Variants in PRKCB observed in about 807,000 individuals in gnomAD.
PRKCB encodes protein kinase C beta type.
In PRKCB, 13 loss-of-function variants were observed where a neutral mutation model predicts 81.5. That is an observed-to-expected ratio of 0.16 (90% confidence interval 0.10 to 0.25). The LOEUF (loss-of-function observed/expected upper bound fraction) is 0.25, where lower values mean the gene tolerates loss of function less well. Ranked by LOEUF, PRKCB falls within the 10% of genes least tolerant of loss-of-function variation. PRKCB has a pLI of 1.00. For missense variants in PRKCB, 509 were observed against 875.7 expected, an observed-to-expected ratio of 0.58 and a Z score of 5.29; for synonymous variants, 335 against 321.4, an observed-to-expected ratio of 1.04 and a Z score of -0.45.
chr16:23,911,673 C>T (rs1279237528), intron 2 of PRKCB, among the ~76,000 whole-genome samples: 3 of 152,152 alleles, frequency 2.0e-5, no homozygotes, highest in Non-Finnish European at 4.4e-5. Flanking sequence ...ATGACCTCCT[C>T]CATCAACTGT....
chr16:24,031,874 C>T (rs1965554908), intron 3 of PRKCB: 2 of 308,812 alleles, frequency 6.5e-6, no homozygotes, highest in Middle Eastern at 1.9e-3. Flanking sequence ...CAGGCAGGCC[C>T]AGATGGAGGG....
chr16:24,104,105 A>G (rs959982256), intron 7 of PRKCB, among the ~76,000 whole-genome samples: 1 of 152,188 alleles, frequency 6.6e-6, no homozygotes, highest in Non-Finnish European at 1.5e-5. Flanking sequence ...ACGCCCAGCT[A>G]AGGTCCAGAT....
intron 7 of PRKCB, among the ~76,000 whole-genome samples, chr16:24,110,144 G>C (rs1966655985): frequency 8.4e-6 from 1 of 119,238 alleles, no homozygotes; most frequent in Non-Finnish European, 1.7e-5. Context: ...AGGGAGAGGA[G>C]GGAGAGGAGG....
chr16:24,081,226 A>C (rs1966245370), intron 5 of PRKCB, among the ~76,000 whole-genome samples: 3 of 152,142 alleles, frequency 2.0e-5, no homozygotes, highest in Admixed American at 1.3e-4. Flanking sequence ...ACTCCGTCCA[A>C]ATGAGTTTTA....
At chr16:23,949,730 A>G (rs1489606608) in intron 2 of PRKCB, among the ~76,000 whole-genome samples, 1 of 152,226 alleles carries the variant, frequency 6.6e-6, no homozygotes, top group African/African-American at 2.4e-5. Flanking sequence ...TCCAGTAGGC[A>G]TGAAGCCAGG....
At chr16:24,182,905 G>A (rs1967649882) in intron 13 of PRKCB, among the ~76,000 whole-genome samples, 1 of 151,792 alleles carries the variant, frequency 6.6e-6, no homozygotes, top group South Asian at 2.1e-4. Flanking sequence ...GTGTGTGTTT[G>A]AGACAGGGTC....
intron 5 of PRKCB, among the ~76,000 whole-genome samples, chr16:24,050,026 C>T (rs1402580448): frequency 1.3e-5 from 2 of 152,060 alleles, no homozygotes; most frequent in Non-Finnish European, 2.9e-5. Flanking sequence ...GTAGGGGATC[C>T]AAGAAGCCAA....
chr16:23,986,542 A>G (rs909630591), intron 2 of PRKCB, among the ~76,000 whole-genome samples: 7 of 152,174 alleles, frequency 4.6e-5, no homozygotes, highest in Admixed American at 1.3e-4. Flanking sequence ...GTGAGCCACC[A>G]CACCCGGTTT....
chr16:23,969,884 G>T (rs569094611), intron 2 of PRKCB, among the ~76,000 whole-genome samples: 2 of 152,106 alleles, frequency 1.3e-5, no homozygotes, highest in Non-Finnish European at 2.9e-5. Flanking sequence ...TGTGTACGTG[G>T]GGAAGGGTGG....
chr16:24,082,588 G>A (rs1966263935), intron 5 of PRKCB, among the ~76,000 whole-genome samples: 1 of 152,098 alleles, frequency 6.6e-6, no homozygotes, highest in African/African-American at 2.4e-5. Flanking sequence ...CAACAAAAGT[G>A]CGAAAACAAT....
intron 2 of PRKCB, among the ~76,000 whole-genome samples, chr16:23,971,798 T>C (rs949985430): frequency 6.6e-6 from 1 of 152,164 alleles, no homozygotes; most frequent in Non-Finnish European, 1.5e-5. Flanking sequence ...TATAAGATAA[T>C]GTGTTGGATT....
At chr16:23,989,405 C>A (rs1964847661) in intron 3 of PRKCB, among the ~76,000 whole-genome samples, 1 of 152,196 alleles carries the variant, frequency 6.6e-6, no homozygotes, top group South Asian at 2.1e-4. Flanking sequence ...TTCCTAATAT[C>A]AGGGCCCAGG....
chr16:23,885,443 A>C (rs565618115), intron 2 of PRKCB, among the ~76,000 whole-genome samples: 1 of 152,010 alleles, frequency 6.6e-6, no homozygotes, highest in South Asian at 2.1e-4. Context: ...CGAGTAGCTG[A>C]GGTTATAGGC....
chr16:24,025,590 C>T (rs1227690666), intron 3 of PRKCB, among the ~76,000 whole-genome samples: 2 of 152,168 alleles, frequency 1.3e-5, no homozygotes, highest in Admixed American at 1.3e-4. Context: ...TGCAATTAAG[C>T]GTGCATTTAT....
At chr16:23,991,185 T>C (rs888515509) in intron 3 of PRKCB, among the ~76,000 whole-genome samples, 5 of 152,168 alleles carry the variant, frequency 3.3e-5, no homozygotes, top group Admixed American at 2.6e-4. Context: ...GGTGGGAGTT[T>C]GTGGGGAGGG....
chr16:24,142,881 G>A (rs1368296544), intron 9 of PRKCB, among the ~76,000 whole-genome samples: 1 of 152,070 alleles, frequency 6.6e-6, no homozygotes, highest in Non-Finnish European at 1.5e-5. Flanking sequence ...CAACAGATCA[G>A]CACCCTGACC....
rs746347042 is a variant in PRKCB, at chr16:23,847,318, CTCTATCTATCTATCTATCTA to C, written c.205+9952_205+9971del. On this transcript the variant is annotated intron_variant, in intron 2 of 16. Transcript: ENST00000643927. Reference sequence around the variant, plus strand: ...TTGGGTGGGTAAAATATGATCCTGCCTCTATCTATCTATCTATCTATCTATCTATCTATCTATCTATCTAT... The same window carrying C: ...TTGGGTGGGTAAAATATGATCCTGCCTCTATCTATCTATCTATCTATCTAT... Among the ~76,000 whole-genome samples, 1,158 of 144,234 alleles carry C rather than the reference CTCTATCTATCTATCTATCTA, an allele frequency of 8.0e-3. 92 individuals are homozygous for C. The highest frequency in any genetic ancestry group is 0.025 in the Middle Eastern group (7 of 278). The allele number at this position is 144,234 out of a possible 152,430, so 94.6% of individuals were successfully genotyped here.
chr16:24,051,342 C>G (rs1261572435), intron 5 of PRKCB, among the ~76,000 whole-genome samples: 1 of 152,160 alleles, frequency 6.6e-6, no homozygotes, highest in Non-Finnish European at 1.5e-5. Flanking sequence ...GAGGCTGTCT[C>G]TCTAGTTGCC....
intron 2 of PRKCB, among the ~76,000 whole-genome samples, chr16:23,902,772 T>C (rs930092500): frequency 0.012 from 743 of 60,640 alleles, 48 homozygotes; most frequent in African/African-American, 0.05. Flanking sequence ...CTTCCTTCCT[T>C]CCTTCCTTCC....
Sources: allele counts gnomAD v4.1 joint callset (sites outside exome capture counted in the v4.1 genomes callset), GRCh38; gene constraint gnomAD v4.1.1; transcripts MANE v1.5; gene names NCBI Gene and HGNC (gene_info 2026-07-23, HGNC 2026-07-21).